The following CDH23 variants were observed in gnomAD, a reference collection of about 807,000 sequenced individuals.
CDH23 encodes the protein cadherin related 23.
Under a neutral mutation model 317.1 loss-of-function variants are expected in CDH23, and 189 were observed. The observed-to-expected ratio is 0.60, with a 90% CI of 0.53 to 0.67. The LOEUF (loss-of-function observed/expected upper bound fraction) is 0.67. Among genes scored for constraint, CDH23 ranks in the 30% least tolerant of loss-of-function variants. CDH23 has a pLI of 0.00. For missense variants in CDH23, 4,401 were observed against 4,592.4 expected (o/e 0.96, Z 1.20); for synonymous variants, 1,839 against 1,876.8 (o/e 0.98, Z 0.52).
chr10:71,686,904 G>A (rs982626003), intron 18 of CDH23, among the ~76,000 whole-genome samples: 4 of 152,310 alleles, frequency 2.6e-5, no homozygotes, highest in Non-Finnish European at 4.4e-5. Context: ...AGGAAGGGCC[G>A]CGGTGTGAAG....
chr10:71,812,066 A>C (rs1010618988), intron 66 of CDH23, 51 bp downstream of exon 66: 1 of 1,613,698 alleles, frequency 6.2e-7, no homozygotes. Context: ...TCCTGCCAGG[A>C]CCCAGCTGGG....
Position 71,437,640 on chromosome 10 carries a change from A to C in CDH23, c.-5-2187A>C, listed in dbSNP as rs1055133348. Among the ~76,000 whole-genome samples, 51 of 152,354 alleles carry C rather than the reference A, an allele frequency of 3.3e-4. 1 individual carries two copies. The highest frequency in any genetic ancestry group is 1.2e-3 in the African/African-American group (48 of 41,582). ...AGAAAGGCCTGGTAGGATGCATGCC[A>C]GCCCTTGCCTGCCCACTCTGGCCAT... On this transcript the variant is annotated intron_variant, in intron 1 of 69. Coordinates refer to ENST00000224721, the MANE Select transcript of CDH23 (RefSeq NM_022124.6).
In CDH23 at chr10:71,617,368, TCATC is replaced by T. The variant is rs771715532; in HGVS notation, c.1112_1115del (p.Ile371ArgfsTer11). The T allele has an allele frequency of 6.2e-7, 1 of 1,613,830 alleles. No individual in the cohort carries two copies. The highest frequency in any genetic ancestry group is 2.2e-5 in the East Asian group (1 of 44,884). Reference sequence around the variant, plus strand: ...CAGGTCGGCTTTGCCCTTCCACTCTTCATCCAGGTGGTGGACAAGGATGAGGTGA... The same window carrying T: ...CAGGTCGGCTTTGCCCTTCCACTCTTCAGGTGGTGGACAAGGATGAGGTGA... On this transcript the variant is annotated frameshift_variant, in exon 11 of 70. Transcript: ENST00000224721. LOFTEE classifies it high-confidence loss of function.
At chr10:71,620,140 T>C (rs1409678829) in intron 11 of CDH23, among the ~76,000 whole-genome samples, 1 of 152,122 alleles carries the variant, frequency 6.6e-6, no homozygotes, top group Non-Finnish European at 1.5e-5. Flanking sequence ...AAGAGGCAGC[T>C]GGAAGGCTAA....
At chr10:71,700,097 C>T (rs912388270) in intron 22 of CDH23, among the ~76,000 whole-genome samples, 8 of 152,212 alleles carry the variant, frequency 5.3e-5, no homozygotes, top group Non-Finnish European at 1.0e-4. Flanking sequence ...AAAATCATCT[C>T]TCCCCCAGGC....
chr10:71,806,297 T>C lies in CDH23; in HGVS notation c.8178+16T>C. On this transcript the variant is annotated intron_variant, in intron 57 of 69. Coordinates refer to ENST00000224721, the MANE Select transcript of CDH23 (RefSeq NM_022124.6). ...GAGGCCTCCAGTGAGCTTGCCCACC[T>C]CCTGCGCTGGTCACACCCACACAGG... 6.5e-7 allele frequency: 1 copy of C among 1,527,012 alleles called. No individual in the cohort carries two copies. Among genetic ancestry groups the C allele is most frequent in the Non-Finnish European group, 8.9e-7 (1 of 1,128,668 alleles). The allele number at this position is 1,527,012 out of a possible 1,614,324, so 94.6% of individuals were successfully genotyped here.
intron 38 of CDH23, among the ~76,000 whole-genome samples, chr10:71,766,891 G>A (rs1020300919): frequency 1.2e-4 from 18 of 152,174 alleles, no homozygotes; most frequent in African/African-American, 4.3e-4. Flanking sequence ...CAGCTATTTA[G>A]AAAAAATGAA....
chr10:71,616,891 C>A (rs1861217064), intron 10 of CDH23, among the ~76,000 whole-genome samples: 1 of 152,218 alleles, frequency 6.6e-6, no homozygotes, highest in African/African-American at 2.4e-5. Flanking sequence ...CCTCGATGAA[C>A]CCCCAGATCT....
At chr10:71,450,653 C>T (rs985371569) in intron 3 of CDH23, among the ~76,000 whole-genome samples, 1 of 152,160 alleles carries the variant, frequency 6.6e-6, no homozygotes, top group African/African-American at 2.4e-5. Context: ...TCATTTCTTC[C>T]CAGACCTTGT....
intron 9 of CDH23, among the ~76,000 whole-genome samples, chr10:71,611,908 A>G (rs1860920147): frequency 6.6e-6 from 1 of 152,180 alleles, no homozygotes; most frequent in Admixed American, 6.5e-5. Flanking sequence ...GTAGGTGCTC[A>G]ATATGAACTT....
intron 3 of CDH23, among the ~76,000 whole-genome samples, chr10:71,504,054 T>A (rs910227272): frequency 6.6e-6 from 1 of 152,110 alleles, no homozygotes; most frequent in South Asian, 2.1e-4. Context: ...AATTTAATTA[T>A]GGTAAAATAT....
In CDH23 at chr10:71,732,504, T is replaced by C. The variant is rs1274508568; in HGVS notation, c.4104+129T>C. Reference sequence around the variant, plus strand: ...TGAGATGGCCAAGTGTGGTGTTAGGTACCTGTAGTCCCAGCTGCTTGAGAG... The same window carrying C: ...TGAGATGGCCAAGTGTGGTGTTAGGCACCTGTAGTCCCAGCTGCTTGAGAG... On this transcript the variant is annotated intron_variant, in intron 32 of 69. Coordinates refer to ENST00000224721, the MANE Select transcript of CDH23 (RefSeq NM_022124.6). The C allele has an allele frequency of 1.6e-5, 23 of 1,399,970 alleles. No individual in the cohort carries two copies. In the Admixed American group the frequency reaches 4.8e-4, roughly 29 times the overall value. The allele number at this position is 1,399,970 out of a possible 1,614,324, so 86.7% of individuals were successfully genotyped here.
chr10:71,762,091 C>T (rs887240186), intron 38 of CDH23: 18 of 1,493,550 alleles, frequency 1.2e-5, no homozygotes, highest in Middle Eastern at 3.6e-4. Flanking sequence ...AACCCCAGAG[C>T]GGGGAAGAAC....
At chr10:71,675,435 G>A (rs984132830) in intron 15 of CDH23, among the ~76,000 whole-genome samples, 1 of 152,208 alleles carries the variant, frequency 6.6e-6, no homozygotes, top group Non-Finnish European at 1.5e-5. Context: ...CTTTGGGAAT[G>A]GATCCATTGT....
intron 38 of CDH23, among the ~76,000 whole-genome samples, chr10:71,775,814 C>T (rs974218727): frequency 1.1e-4 from 16 of 152,142 alleles, no homozygotes; most frequent in Non-Finnish European, 2.4e-4. Flanking sequence ...CCCAAATATT[C>T]GAATAAAGAT....
At chr10:71,677,204 C>T (rs900258056) in intron 15 of CDH23, among the ~76,000 whole-genome samples, 2 of 152,152 alleles carry the variant, frequency 1.3e-5, no homozygotes, top group Admixed American at 1.3e-4. Flanking sequence ...GGTTGTTCTG[C>T]CTGGGTTTCC....
rs190304705 is a variant in CDH23, at chr10:71,658,803, C to G, written c.1449+12186C>G. Among the ~76,000 whole-genome samples the G allele has an allele frequency of 1.5e-3, 226 of 152,332 alleles. 1 individual carries two copies. The highest frequency in any genetic ancestry group is 9.7e-4 in the Non-Finnish European group (66 of 68,028). On this transcript the variant is annotated intron_variant, in intron 14 of 69. Transcript: ENST00000224721. ...GACCCCAAAGCCCCTGGCTTCCCCT[C>G]CATTCTGCCAGTCACCCTCAGGGCT...
chr10:71,632,829 C>T (rs553748372), intron 11 of CDH23, among the ~76,000 whole-genome samples: 4 of 152,276 alleles, frequency 2.6e-5, no homozygotes, highest in South Asian at 2.1e-4. Flanking sequence ...TGCCTTCCCA[C>T]GTGTCTTAGT....
intron 2 of CDH23, among the ~76,000 whole-genome samples, chr10:71,445,955 T>A (rs1850143929): frequency 6.6e-6 from 1 of 152,002 alleles, no homozygotes; most frequent in Non-Finnish European, 1.5e-5. Flanking sequence ...ATCATTTCAA[T>A]ATATAATCAA....
Sources: gnomAD v4.1 joint callset for allele counts (sites outside exome capture counted in the v4.1 genomes callset) on GRCh38, gnomAD v4.1.1 for gene constraint, MANE v1.5 for transcripts, NCBI Gene and HGNC (gene_info 2026-07-23, HGNC 2026-07-21) for gene names.